ABCD2: variants seen among roughly 807,000 people sequenced by gnomAD.
ABCD2 encodes ATP-binding cassette sub-family D member 2.
Under a neutral mutation model 70.9 loss-of-function variants are expected in ABCD2, and 36 were observed. The observed-to-expected ratio is 0.51, with a 90% confidence interval of 0.39 to 0.67. The LOEUF (loss-of-function observed/expected upper bound fraction) is 0.67. ABCD2 is among the 30% of genes least tolerant of loss of function. The pLI is 0.00. For synonymous variants in ABCD2, 304 were observed against 306.9 expected (o/e 0.99, Z 0.10); for missense variants, 729 against 890.2 (o/e 0.82, Z 2.30).
rs1160228137 is a variant in ABCD2, at chr12:39,557,530, G to A, written c.2004-3399C>T. ...AAGCCAGCTGCAGAAATTTGCATAA[G>A]TAATGAGGAACCAAATGTTAATCAC... On this transcript the variant is annotated intron_variant, in intron 9 of 9. Transcript: ENST00000308666. Among the ~76,000 whole-genome samples, 4 of 152,226 alleles carry A rather than the reference G, an allele frequency of 2.6e-5. 1 individual carries two copies. In the South Asian group the frequency reaches 8.3e-4, roughly 32 times the overall value.
At chr12:39,616,958 A>G (rs1198447934) in intron 2 of ABCD2, 30 bp downstream of exon 2, 3 of 1,546,710 alleles carry the variant, frequency 1.9e-6, no homozygotes, top group African/African-American at 1.4e-5. Context: ...TGTTAAAAAT[A>G]TATTTGAGAT....
At position 39,618,901 on chromosome 12, in the gene ABCD2, A is replaced by T. The variant is rs1199057969; in HGVS notation, c.715T>A (p.Ser239Thr). ...TKPILDVMLT[S>T]YTLIQTATSR... ...GTAGCAGTTTGAATGAGTGTATAGG[A>T]GGTCAGCATTACATCTAAAATAGGT... The change falls in exon 1 of 10, where the codon TCC becomes ACC. Residue 239 changes from serine to threonine, a missense_variant. Physicochemically the swap from Ser to Thr is moderately conservative, Grantham distance 58 (BLOSUM62 1). Transcript: ENST00000308666. The T allele has an allele frequency of 1.9e-6, 3 of 1,614,210 alleles. No homozygotes were observed. Among genetic ancestry groups the T allele is most frequent in the Non-Finnish European group, 2.5e-6 (3 of 1,180,040 alleles).
intron 2 of ABCD2, among the ~76,000 whole-genome samples, chr12:39,614,582 A>G (rs965126510): frequency 4.0e-5 from 6 of 151,548 alleles, no homozygotes; most frequent in Admixed American, 3.9e-4. Flanking sequence ...TATATAAAGC[A>G]TCATGCACTT....
chr12:39,573,955 C>T (rs1591977131), intron 8 of ABCD2, 114 bp from the exon 9 acceptor site: 1 of 1,046,214 alleles, frequency 9.6e-7, no homozygotes, highest in African/African-American at 1.6e-5. Context: ...AAGACTATGG[C>T]ATTATTAAAG....
At chr12:39,558,338 A>C (rs1013072064) in intron 9 of ABCD2, among the ~76,000 whole-genome samples, 2 of 152,194 alleles carry the variant, frequency 1.3e-5, no homozygotes, top group Non-Finnish European at 2.9e-5. Flanking sequence ...TCTTGGGTTA[A>C]TGCTGGAATG....
At chr12:39,602,485 A>T (rs1046585552) in intron 5 of ABCD2, among the ~76,000 whole-genome samples, 5 of 152,110 alleles carry the variant, frequency 3.3e-5, no homozygotes, top group Non-Finnish European at 7.4e-5. Flanking sequence ...GAAGGCTAAC[A>T]AAGGTATGAG....
downstream of ABCD2, among the ~76,000 whole-genome samples, chr12:39,549,406 A>T (rs116764584): frequency 4.7e-3 from 716 of 152,060 alleles, 3 homozygotes; most frequent in African/African-American, 0.017. Flanking sequence ...ATAGTAAAAT[A>T]TTTCATGAGG....
the ABCD2 span, among the ~76,000 whole-genome samples, chr12:39,533,980 T>G: frequency 6.6e-6 from 1 of 152,364 alleles, no homozygotes; most frequent in Admixed American, 6.5e-5. Context: ...ATGTGAATAG[T>G]GTGCTTTGCA....
At chr12:39,558,246 T>G (rs983996086) in intron 9 of ABCD2, among the ~76,000 whole-genome samples, 1 of 152,228 alleles carries the variant, frequency 6.6e-6, no homozygotes, top group Non-Finnish European at 1.5e-5. Flanking sequence ...GCCCCTTCTT[T>G]TTGGCCAATT....
rs1191109254 is a variant in ABCD2 at position 39,619,204 on chromosome 12, T to C, written c.412A>G (p.Lys138Glu). 6.2e-7 allele frequency: 1 copy of C among 1,614,038 alleles called. No individual in the cohort carries two copies. The change falls in exon 1 of 10, where the codon AAG becomes GAG. Residue 138 changes from lysine to glutamate, a missense_variant. Around this residue, in one of 3 missense-constraint regions of ABCD2, gnomAD observed 245 missense variants for 261.2 expected, o/e 0.94. Coordinates refer to ENST00000308666, the MANE Select transcript of ABCD2 (RefSeq NM_005164.4). ...TTGATGATGAAAGTCCGAGGCTTCT[T>C]TTCCACAATGCTTTTCACGATTTTT... ...DGKIVKSIVE[K>E]KPRTFIIKLI... is the part of the protein sequence containing the mutation.
the ABCD2 span, among the ~76,000 whole-genome samples, chr12:39,535,705 C>T: frequency 1.4e-4 from 22 of 152,170 alleles, no homozygotes; most frequent in African/African-American, 5.3e-4. Flanking sequence ...TAATTTTCAA[C>T]ACTTATTCAT....
At chr12:39,591,281 T>G (rs758095437) in intron 6 of ABCD2, among the ~76,000 whole-genome samples, 6 of 152,114 alleles carry the variant, frequency 3.9e-5, no homozygotes, top group Admixed American at 6.6e-5. Context: ...TGTGTGATAA[T>G]AAGAAGAAAT....
chr12:39,556,318 T>C (rs1475628571), intron 9 of ABCD2, among the ~76,000 whole-genome samples: 1 of 152,120 alleles, frequency 6.6e-6, no homozygotes, highest in Non-Finnish European at 1.5e-5. Flanking sequence ...CAAAATCTCA[T>C]TTTGAATTGT....
chr12:39,563,771 C>G (rs1019478213), intron 9 of ABCD2, among the ~76,000 whole-genome samples: 1 of 152,130 alleles, frequency 6.6e-6, no homozygotes, highest in Admixed American at 6.5e-5. Context: ...TGCTATCCCT[C>G]CACCCTCCCC....
chr12:39,533,305 T>C, the ABCD2 span, among the ~76,000 whole-genome samples: 1 of 152,234 alleles, frequency 6.6e-6, no homozygotes, highest in Non-Finnish European at 1.5e-5. Flanking sequence ...TTTTAAAACC[T>C]GTTTTAAATA....
intron 9 of ABCD2, among the ~76,000 whole-genome samples, chr12:39,569,099 G>C (rs1467822885): frequency 2.0e-5 from 3 of 152,228 alleles, no homozygotes; most frequent in African/African-American, 7.2e-5. Context: ...GAGGCAGTCT[G>C]TCCGTTCTCA....
At chr12:39,533,102 T>C in the ABCD2 span, among the ~76,000 whole-genome samples, 1 of 151,784 alleles carries the variant, frequency 6.6e-6, no homozygotes, top group African/African-American at 2.4e-5. Flanking sequence ...GAAGCGGAGA[T>C]TGCAGTGAGC....
chr12:39,614,640 C>T (rs1301745830), intron 2 of ABCD2, among the ~76,000 whole-genome samples: 1 of 151,820 alleles, frequency 6.6e-6, no homozygotes, highest in African/African-American at 2.4e-5. Context: ...TAAACTATGA[C>T]TGAAGATTAG....
chr12:39,601,645 A>G (rs1941898414), intron 5 of ABCD2, among the ~76,000 whole-genome samples: 1 of 152,084 alleles, frequency 6.6e-6, no homozygotes, highest in Non-Finnish European at 1.5e-5. Flanking sequence ...GTGATACCCA[A>G]AAAATAAATA....
Sources: allele counts gnomAD v4.1 joint callset (sites outside exome capture counted in the v4.1 genomes callset), GRCh38; gene constraint gnomAD v4.1.1; regional missense constraint gnomAD v4.1.1; transcripts MANE v1.5; gene names NCBI Gene and HGNC (gene_info 2026-07-23, HGNC 2026-07-21).